Variants in HYDIN observed in about 807,000 individuals in gnomAD.
HYDIN encodes axonemal central pair apparatus protein HYDIN.
In HYDIN, 132 loss-of-function variants were observed where a neutral mutation model predicts 403.9. The observed-to-expected ratio is 0.33, with a 90% CI of 0.28 to 0.38. HYDIN has a LOEUF of 0.38. Among genes scored for constraint, HYDIN ranks in the 10% least tolerant of loss-of-function variants. The pLI is 1.00. For missense variants in HYDIN, 2,827 were observed against 5,009.5 expected (o/e 0.56, Z 13.15); for synonymous variants, 1,202 against 1,891.7 (o/e 0.64, Z 9.46).
chr16:70,846,003 C>T (rs998979939), intron 75 of HYDIN, among the ~76,000 whole-genome samples: 1 of 151,048 alleles, frequency 6.6e-6, no homozygotes, highest in Non-Finnish European at 1.5e-5. Context: ...CTCCTGGATT[C>T]ATTAATTTTT....
At chr16:71,030,878 G>A (rs1423606747) in intron 19 of HYDIN, among the ~76,000 whole-genome samples, 1 of 151,988 alleles carries the variant, frequency 6.6e-6, no homozygotes, top group Non-Finnish European at 1.5e-5. Flanking sequence ...CGGTACTATG[G>A]GAGTCAAGTA....
At chr16:71,022,826 T>C (rs1194654059) in intron 21 of HYDIN, among the ~76,000 whole-genome samples, 1 of 150,182 alleles carries the variant, frequency 6.7e-6, no homozygotes, top group Admixed American at 6.7e-5. Flanking sequence ...GTTACCGCCA[T>C]ATTCCAAATA....
chr16:70,829,861 G>C, intron 80 of HYDIN, 31 bp from the exon 81 acceptor site: 1 of 1,600,000 alleles, frequency 6.3e-7, no homozygotes, highest in Non-Finnish European at 8.6e-7. Context: ...CATCTTCCAT[G>C]GCACTTCCCC....
chr16:71,210,686 G>C (rs895458296), intron 1 of HYDIN, among the ~76,000 whole-genome samples: 1 of 152,020 alleles, frequency 6.6e-6, no homozygotes, highest in Non-Finnish European at 1.5e-5. Context: ...AAAACAAATT[G>C]TCTATGAATG....
rs2082386837 is a variant in HYDIN at position 71,069,454 on chromosome 16, G to A, written c.1787C>T (p.Pro596Leu). Residue 596 changes from proline to leucine, a missense_variant, in exon 14 of 86, where the codon CCC (proline) becomes CTC (leucine). By Grantham distance (98) the Pro-to-Leu change is moderately conservative (BLOSUM62 -3). Transcript: ENST00000393567. ...ICSLNNTSLIPMTYKLRIPGD... is the reference protein window; with the variant it reads ...ICSLNNTSLILMTYKLRIPGD... ...AGGGATACGCAGTTTGTAAGTCATG[G>A]GGATCAAAGAGGTATTATTGAGGGA... 1.2e-6 allele frequency: 2 copies of A among 1,613,748 alleles called. No individual in the cohort carries two copies. The highest frequency in any genetic ancestry group is 3.3e-5 in the Admixed American group (2 of 59,986).
chr16:71,211,182 G>A (rs1254335386), intron 1 of HYDIN, among the ~76,000 whole-genome samples: 3 of 152,034 alleles, frequency 2.0e-5, no homozygotes, highest in Admixed American at 6.6e-5. Context: ...CAGAAAAAGA[G>A]AATAAAAAGA....
chr16:70,937,920 C>T (rs1442263953), intron 44 of HYDIN, among the ~76,000 whole-genome samples: 1 of 152,014 alleles, frequency 6.6e-6, no homozygotes, highest in African/African-American at 2.4e-5. Flanking sequence ...CTGTTCCCAT[C>T]CCTCTGAGAT....
chr16:70,915,364 T>C (rs7194204), intron 47 of HYDIN, among the ~76,000 whole-genome samples: 2 of 152,138 alleles, frequency 1.3e-5, no homozygotes, highest in African/African-American at 2.4e-5. Context: ...CCTTTTTCTA[T>C]GGATGTGGCT....
chr16:70,843,080 T>C (rs1303746526), intron 75 of HYDIN, among the ~76,000 whole-genome samples: 2 of 151,342 alleles, frequency 1.3e-5, no homozygotes, highest in African/African-American at 4.9e-5. Flanking sequence ...TTAGGGTACA[T>C]GTGCACATTG....
chr16:70,834,520 C>G (rs1798376), intron 78 of HYDIN, among the ~76,000 whole-genome samples: 34,599 of 151,218 alleles, frequency 0.23, 7,202 homozygotes, highest in African/African-American at 0.56. Flanking sequence ...CTCAAGGAGT[C>G]TTCCCTGCCT....
chr16:71,033,107 G>C (rs1435549888), intron 18 of HYDIN, among the ~76,000 whole-genome samples: 1 of 150,710 alleles, frequency 6.6e-6, no homozygotes. Flanking sequence ...TGAGGTCCAG[G>C]TGTTGTGGGA....
At position 70,803,693 on chromosome 16, in the gene HYDIN, T is replaced by C. The variant is rs892810431; in HGVS notation, c.*3887A>G. Among the ~76,000 whole-genome samples, 1 of 152,184 alleles carries C rather than the reference T, an allele frequency of 6.6e-6. No homozygotes were observed. Among genetic ancestry groups the C allele is most frequent in the Non-Finnish European group, 1.5e-5 (1 of 68,026 alleles). On this transcript the variant is annotated 3_prime_UTR_variant, in exon 86 of 86. Transcript: ENST00000393567. ...TGCAAAGCAGTTTCTCCAACAGCAA[T>C]GTAATTGTAGCTGGAGTTTCAGGGC...
intron 18 of HYDIN, among the ~76,000 whole-genome samples, chr16:71,040,001 G>A (rs568118440): frequency 6.6e-6 from 1 of 152,118 alleles, no homozygotes; most frequent in East Asian, 2.0e-4. Flanking sequence ...AGGGATTGCA[G>A]GCACCGCCCC....
chr16:71,059,020 A>G (rs910263944), intron 18 of HYDIN, among the ~76,000 whole-genome samples: 1 of 152,254 alleles, frequency 6.6e-6, no homozygotes, highest in Non-Finnish European at 1.5e-5. Flanking sequence ...GATACATATA[A>G]CATAGAAAAT....
chr16:71,040,493 C>CT (rs944422970), intron 18 of HYDIN, among the ~76,000 whole-genome samples: 11 of 146,504 alleles, frequency 7.5e-5, no homozygotes, highest in Non-Finnish European at 1.5e-4. Context: ...CCGCACCCCC[C>CT]TCCCCCCCAC....
Position 70,920,668 on chromosome 16 carries a change from C to G in HYDIN, c.7708G>C (p.Asp2570His), listed in dbSNP as rs8044001. Residue 2570 changes from aspartate (D) to histidine (H), a missense_variant, in exon 46 of 86, where the codon GAC (aspartate) becomes CAC (histidine). Physicochemically the swap from Asp to His is moderately conservative, Grantham distance 81. Transcript: ENST00000393567. The stretch of plus-strand genomic sequence containing the variant: ...CCTTCAAAGTCTGGTGTCTGGATGT[C>G]TAGGAAGGGTACGCCCAGGTCCTTC... Reference protein sequence around the residue: ...KEKDLGVPFLDIQTPDFEGLS... With the variant: ...KEKDLGVPFLHIQTPDFEGLS... 6.2e-7 allele frequency: 1 copy of G among 1,613,728 alleles called. No homozygotes were observed.
chr16:70,810,088 TAGC>T, intron 84 of HYDIN, 81 bp from the exon 85 acceptor site: 1 of 1,341,036 alleles, frequency 7.5e-7, no homozygotes, highest in Admixed American at 1.7e-5. Flanking sequence ...CAAGGCTCCA[TAGC>T]AGGTTGGGGG....
In HYDIN at chr16:71,184,529, G is replaced by T. The variant is rs1263668940; in HGVS notation, c.261+336C>A. ...CTAGTGGGCAGCTCAGATAAGGAGA[G>T]ATTACTTGTTACACTAAGACAATAA... On this transcript the variant is annotated intron_variant, in intron 3 of 85. Transcript: ENST00000393567. Among the ~76,000 whole-genome samples, 8 of 152,252 alleles carry T rather than the reference G, an allele frequency of 5.3e-5. No homozygotes were observed. In the East Asian group the frequency reaches 1.4e-3, roughly 26 times the overall value.
At chr16:71,222,184 A>G (rs1598065585) in intron 1 of HYDIN, among the ~76,000 whole-genome samples, 1 of 152,212 alleles carries the variant, frequency 6.6e-6, no homozygotes, top group Non-Finnish European at 1.5e-5. Flanking sequence ...GGTTTAATAT[A>G]CACAAGTCAA....
Sources: gnomAD v4.1 joint callset for allele counts (sites outside exome capture counted in the v4.1 genomes callset) on GRCh38, gnomAD v4.1.1 for gene constraint, MANE v1.5 for transcripts, NCBI Gene and HGNC (gene_info 2026-07-23, HGNC 2026-07-21) for gene names.